The following MED12L variants were observed in gnomAD, a reference collection of about 807,000 sequenced individuals.
The protein encoded by MED12L is mediator of RNA polymerase II transcription subunit 12-like protein.
Under a neutral mutation model 281.3 loss-of-function variants are expected in MED12L, and 60 were observed. The ratio of observed to expected loss-of-function variants is 0.21; its 90% CI spans 0.17 to 0.26. The LOEUF (loss-of-function observed/expected upper bound fraction) is 0.26. Among genes scored for constraint, MED12L ranks in the 10% least tolerant of loss-of-function variants. The pLI is 1.00. For synonymous variants in MED12L, 974 were observed against 987.2 expected (o/e 0.99, Z 0.25); for missense variants, 2,146 against 2,680.9 (o/e 0.80, Z 4.41).
chr3:151,375,301 C>T (rs540336904), intron 27 of MED12L, among the ~76,000 whole-genome samples: 3 of 152,114 alleles, frequency 2.0e-5, no homozygotes, highest in East Asian at 1.9e-4. Flanking sequence ...AGACTTCACC[C>T]GAAATAGATC....
chr3:151,202,139 T>A (rs1725697285), intron 16 of MED12L, among the ~76,000 whole-genome samples: 1 of 152,260 alleles, frequency 6.6e-6, no homozygotes, highest in Admixed American at 6.5e-5. Flanking sequence ...TTGTCTAAAT[T>A]GCAGTGAGAA....
At chr3:151,309,086 G>A (rs1747091935) in intron 16 of MED12L, among the ~76,000 whole-genome samples, 1 of 149,910 alleles carries the variant, frequency 6.7e-6, no homozygotes, top group Non-Finnish European at 1.5e-5. Flanking sequence ...AAAAGGATCT[G>A]GGATCACATA....
intron 2 of MED12L, among the ~76,000 whole-genome samples, chr3:151,111,237 T>C (rs1474529600): frequency 2.1e-4 from 32 of 152,248 alleles, no homozygotes; most frequent in Admixed American, 2.1e-3. Flanking sequence ...AAAAATATGA[T>C]ACGAACAATA....
At chr3:151,315,080 C>T (rs532503860) in intron 16 of MED12L, among the ~76,000 whole-genome samples, 45 of 152,310 alleles carry the variant, frequency 3.0e-4, no homozygotes, top group African/African-American at 1.1e-3. Flanking sequence ...TCTTCACAAC[C>T]TTACCCTTTA....
intron 19 of MED12L, 126 bp downstream of exon 19, chr3:151,356,165 C>A: frequency 1.1e-6 from 1 of 937,780 alleles, no homozygotes; most frequent in Non-Finnish European, 1.5e-6. Context: ...TTTGGGAGGC[C>A]GAGGTAGGAG....
At chr3:151,366,217 G>T (rs767933406) in intron 23 of MED12L, among the ~76,000 whole-genome samples, 3 of 152,102 alleles carry the variant, frequency 2.0e-5, no homozygotes, top group Non-Finnish European at 2.9e-5. Context: ...TAGCAGAGGG[G>T]CCAAGAATTT....
At chr3:151,240,830 G>C (rs1733928949) in intron 16 of MED12L, among the ~76,000 whole-genome samples, 1 of 152,236 alleles carries the variant, frequency 6.6e-6, no homozygotes, top group Non-Finnish European at 1.5e-5. Context: ...GAGACAAGGA[G>C]TGATAGGTGA....
chr3:151,128,531 A>G (rs77261695), intron 5 of MED12L, among the ~76,000 whole-genome samples: 3,251 of 146,886 alleles, frequency 0.022, 116 homozygotes, highest in East Asian at 0.19. Context: ...CCTTCCTTCT[A>G]TCTCCCTAAT....
At chr3:151,247,893 A>G (rs1330003699) in intron 16 of MED12L, among the ~76,000 whole-genome samples, 3 of 150,758 alleles carry the variant, frequency 2.0e-5, no homozygotes, top group African/African-American at 7.3e-5. Context: ...GTGTTCTTAT[A>G]ATGTATTCAG....
At chr3:151,273,211 T>G (rs1022468708) in intron 16 of MED12L, among the ~76,000 whole-genome samples, 1 of 149,846 alleles carries the variant, frequency 6.7e-6, no homozygotes, top group Non-Finnish European at 1.5e-5. Flanking sequence ...ATGACAGCAA[T>G]AAACATTGTT....
chr3:151,116,819 A>G (rs1301660827), intron 3 of MED12L, among the ~76,000 whole-genome samples: 1 of 152,136 alleles, frequency 6.6e-6, no homozygotes, highest in African/African-American at 2.4e-5. Flanking sequence ...TGGTAAGAAG[A>G]CTACATTGCA....
chr3:151,126,467 T>G (rs1035872053), intron 4 of MED12L, among the ~76,000 whole-genome samples: 1 of 152,192 alleles, frequency 6.6e-6, no homozygotes, highest in African/African-American at 2.4e-5. Flanking sequence ...ACTAAAAGAA[T>G]GAGCTCTTAA....
chr3:151,401,838 G>C (rs1398105251), intron 39 of MED12L, among the ~76,000 whole-genome samples: 1 of 152,110 alleles, frequency 6.6e-6, no homozygotes, highest in African/African-American at 2.4e-5. Flanking sequence ...GCATGTTCAG[G>C]GAGGTGGGTG....
chr3:151,382,834 C>A, intron 33 of MED12L, 89 bp downstream of exon 33: 1 of 1,025,222 alleles, frequency 9.8e-7, no homozygotes, highest in South Asian at 1.5e-5. Context: ...AGTGCAAAGT[C>A]TGCATTACAA....
chr3:151,390,180 T>C (rs1373492882), intron 38 of MED12L, 45 bp downstream of exon 38: 1 of 1,587,284 alleles, frequency 6.3e-7, no homozygotes, highest in African/African-American at 1.3e-5. Context: ...GAGAAACAGC[T>C]TGTGGTTCTC....
intron 16 of MED12L, chr3:151,202,983 T>A (rs1725847001): frequency 6.7e-6 from 1 of 149,794 alleles, no homozygotes; most frequent in Non-Finnish European, 1.5e-5. Context: ...AGTTTAAAAA[T>A]TGATGCTTTT....
chr3:151,368,694 C>CATTTT (rs1755739027), intron 25 of MED12L, among the ~76,000 whole-genome samples: 1 of 38,714 alleles, frequency 2.6e-5, no homozygotes, highest in Non-Finnish European at 4.8e-5. Flanking sequence ...CATTTTATTT[C>CATTTT]ATTTCATTTC....
chr3:151,294,680 A>T (rs200796001), intron 16 of MED12L: 2 of 1,614,162 alleles, frequency 1.2e-6, no homozygotes, highest in Non-Finnish European at 1.7e-6. Flanking sequence ...GCAGTCATGG[A>T]TATTGTCCTC....
chr3:151,297,426 T>C (rs534687529), intron 16 of MED12L, among the ~76,000 whole-genome samples: 15 of 152,148 alleles, frequency 9.9e-5, no homozygotes, highest in African/African-American at 3.6e-4. Flanking sequence ...CTTAGGGAAA[T>C]AGAGAGAGGA....
Sources: gnomAD v4.1 joint callset for allele counts (sites outside exome capture counted in the v4.1 genomes callset) on GRCh38, gnomAD v4.1.1 for gene constraint, MANE v1.5 for transcripts, NCBI Gene and HGNC (gene_info 2026-07-23, HGNC 2026-07-21) for gene names.